The following CCSER1 variants were observed in gnomAD, a reference collection of about 807,000 sequenced individuals.
CCSER1 encodes coiled-coil serine rich protein 1.
CCSER1 carries 41 observed loss-of-function variants against 82.0 expected under a neutral mutation model. That is an observed-to-expected ratio of 0.50 (90% CI 0.39 to 0.65). The LOEUF (loss-of-function observed/expected upper bound fraction) is 0.65, where lower values mean the gene tolerates loss of function less well. CCSER1 is among the 30% of genes least tolerant of loss of function. CCSER1 has a pLI of 0.00. For missense variants in CCSER1, 1,119 were observed against 1,064.2 expected (o/e 1.05, Z -0.72); for synonymous variants, 414 against 383.9 (o/e 1.08, Z -0.92).
intron 7 of CCSER1, among the ~76,000 whole-genome samples, chr4:90,785,770 A>G (rs988278771): frequency 6.6e-6 from 1 of 152,154 alleles, no homozygotes; most frequent in African/African-American, 2.4e-5. Flanking sequence ...TTACAGTAAC[A>G]TCTTTTTGAA....
At chr4:90,833,576 G>A (rs751007000) in intron 8 of CCSER1, among the ~76,000 whole-genome samples, 49 of 152,016 alleles carry the variant, frequency 3.2e-4, no homozygotes, top group African/African-American at 9.7e-5. Flanking sequence ...AATACATTTC[G>A]TTTGTTCACT....
At chr4:91,056,579 C>A (rs893791614) in intron 9 of CCSER1, among the ~76,000 whole-genome samples, 1 of 152,142 alleles carries the variant, frequency 6.6e-6, no homozygotes, top group African/African-American at 2.4e-5. Context: ...CCCTAATTCC[C>A]AACACTGTTG....
intron 5 of CCSER1, among the ~76,000 whole-genome samples, chr4:90,468,856 A>G (rs1248516804): frequency 2.6e-5 from 4 of 152,184 alleles, no homozygotes; most frequent in Non-Finnish European, 5.9e-5. Flanking sequence ...GCTTTAATTT[A>G]AATTAAAATT....
chr4:90,522,018 T>C (rs1479346189), intron 5 of CCSER1, among the ~76,000 whole-genome samples: 1 of 152,178 alleles, frequency 6.6e-6, no homozygotes, highest in East Asian at 1.9e-4. Context: ...TTGTCTACTC[T>C]CTAACCACTC....
intron 10 of CCSER1, among the ~76,000 whole-genome samples, chr4:91,570,082 T>C (rs974051588): frequency 6.6e-6 from 1 of 152,162 alleles, no homozygotes; most frequent in African/African-American, 2.4e-5. Flanking sequence ...AGGGTAGTCA[T>C]CAAACCTTAA....
intron 4 of CCSER1, among the ~76,000 whole-genome samples, chr4:90,457,368 T>C (rs574075926): frequency 2.0e-5 from 3 of 152,150 alleles, no homozygotes; most frequent in Non-Finnish European, 4.4e-5. Flanking sequence ...CACAACATGC[T>C]GACTAGGGGG....
rs1747355812 is a variant in CCSER1 at position 91,336,767 on chromosome 4, C to T, written c.2217+250773C>T. Among the ~76,000 whole-genome samples the T allele has an allele frequency of 5.3e-5, 8 of 152,134 alleles. No homozygotes were observed. The South Asian group carries it at 1.7e-3, about 32-fold the overall frequency. On this transcript the variant is annotated intron_variant, in intron 10 of 10. Coordinates refer to ENST00000509176, the MANE Select transcript of CCSER1 (RefSeq NM_001145065.2). The stretch of plus-strand genomic sequence containing the variant: ...ATTTTAACAAAAACATTACTTTTAT[C>T]TGATTAAAATTATCTGCCTATAAAA...
intron 10 of CCSER1, among the ~76,000 whole-genome samples, chr4:91,541,812 C>A (rs1374497604): frequency 6.6e-6 from 1 of 152,152 alleles, no homozygotes; most frequent in African/African-American, 2.4e-5. Context: ...CACTGTCTTC[C>A]ACAATGGTTG....
chr4:90,447,649 A>G (rs915299139), intron 4 of CCSER1, among the ~76,000 whole-genome samples: 2 of 152,224 alleles, frequency 1.3e-5, no homozygotes, highest in African/African-American at 4.8e-5. Flanking sequence ...CTTGCATTGT[A>G]TCTTGGTTTA....
intron 10 of CCSER1, among the ~76,000 whole-genome samples, chr4:91,517,824 T>C (rs954273265): frequency 3.9e-5 from 6 of 151,930 alleles, no homozygotes; most frequent in Non-Finnish European, 7.4e-5. Context: ...AGTAAACTTA[T>C]ATTCTGGATG....
intron 8 of CCSER1, among the ~76,000 whole-genome samples, chr4:90,827,410 T>A (rs1760605997): frequency 6.6e-6 from 1 of 152,072 alleles, no homozygotes; most frequent in Non-Finnish European, 1.5e-5. Flanking sequence ...TCTTACAAAT[T>A]AGGAGAGTCA....
At chr4:91,059,972 C>A (rs1743820029) in intron 9 of CCSER1, among the ~76,000 whole-genome samples, 1 of 151,972 alleles carries the variant, frequency 6.6e-6, no homozygotes, top group Non-Finnish European at 1.5e-5. Flanking sequence ...GCTTTTTTCT[C>A]TAGGATCAAT....
chr4:91,402,313 G>A (rs917153644), intron 10 of CCSER1, among the ~76,000 whole-genome samples: 1 of 152,150 alleles, frequency 6.6e-6, no homozygotes, highest in Non-Finnish European at 1.5e-5. Context: ...CAGATGGGTA[G>A]ATTGTAAAAA....
At chr4:90,682,658 C>T (rs1734100302) in intron 6 of CCSER1, among the ~76,000 whole-genome samples, 1 of 152,006 alleles carries the variant, frequency 6.6e-6, no homozygotes, top group Non-Finnish European at 1.5e-5. Flanking sequence ...ACAATCTTTC[C>T]TGTGCCTTGA....
intron 5 of CCSER1, among the ~76,000 whole-genome samples, chr4:90,598,500 G>C (rs185524475): frequency 2.2e-4 from 33 of 152,152 alleles, no homozygotes; most frequent in Admixed American, 7.2e-4. Flanking sequence ...TTTGATAATA[G>C]CCATCCTAAC....
intron 6 of CCSER1, among the ~76,000 whole-genome samples, chr4:90,694,525 A>T (rs111356387): frequency 6.6e-6 from 1 of 151,956 alleles, no homozygotes; most frequent in African/African-American, 2.4e-5. Context: ...GCTTCATTAC[A>T]TTTCTTTGCT....
At chr4:90,167,665 C>G (rs1344388896) in intron 1 of CCSER1, among the ~76,000 whole-genome samples, 2 of 151,858 alleles carry the variant, frequency 1.3e-5, no homozygotes, top group Non-Finnish European at 2.9e-5. Flanking sequence ...TGATGTTCCC[C>G]TTCCTGTGTC....
chr4:90,207,419 T>G (rs1052872354), intron 1 of CCSER1, among the ~76,000 whole-genome samples: 1 of 152,178 alleles, frequency 6.6e-6, no homozygotes, highest in Non-Finnish European at 1.5e-5. Flanking sequence ...GTTCTTAGCT[T>G]CCTTGCATTG....
At chr4:90,964,110 A>G (rs544724962) in intron 9 of CCSER1, among the ~76,000 whole-genome samples, 2 of 152,194 alleles carry the variant, frequency 1.3e-5, no homozygotes, top group African/African-American at 2.4e-5. Context: ...GGCCTTAAAA[A>G]TGTTCATGTA....
Sources: gnomAD v4.1 joint callset for allele counts (sites outside exome capture counted in the v4.1 genomes callset) on GRCh38, gnomAD v4.1.1 for gene constraint, MANE v1.5 for transcripts, NCBI Gene and HGNC (gene_info 2026-07-23, HGNC 2026-07-21) for gene names.